The following GLCCI1 variants were observed in gnomAD, a reference collection of about 807,000 sequenced individuals.
The protein encoded by GLCCI1 is glucocorticoid-induced transcript 1 protein.
A neutral mutation model predicts 52.2 loss-of-function variants in GLCCI1; 24 were observed. That is an observed-to-expected ratio of 0.46 (90% CI 0.33 to 0.65). The LOEUF (loss-of-function observed/expected upper bound fraction) is 0.65, where lower values mean the gene tolerates loss of function less well. GLCCI1 is among the 30% of genes least tolerant of loss of function. The pLI is 0.02. For missense variants in GLCCI1, 704 were observed against 701.5 expected (o/e 1.00, Z -0.04); for synonymous variants, 310 against 276.5 (o/e 1.12, Z -1.20).
Position 8,088,233 on chromosome 7 carries a change from TATATG to T in GLCCI1, c.*1696_*1700del, listed in dbSNP as rs1562456738. ...TTTTTTAAGAAATGATATATATATG[TATATG>T]TTTGTGTGTGTGTGTGTGTGTGTGT... On this transcript the variant is annotated 3_prime_UTR_variant, in exon 8 of 8. Coordinates refer to ENST00000223145, the MANE Select transcript of GLCCI1 (RefSeq NM_138426.4). The T allele has an allele frequency of 9.2e-6, 1 of 108,308 alleles. No homozygotes were observed. Among genetic ancestry groups the T allele is most frequent in the African/African-American group, 3.9e-5 (1 of 25,564 alleles). The allele number at this position is 108,308 out of a possible 1,614,324, so 6.7% of individuals were successfully genotyped here.
intron 3 of GLCCI1, among the ~76,000 whole-genome samples, chr7:8,036,003 A>T (rs1781859122): frequency 6.6e-6 from 1 of 152,236 alleles, no homozygotes; most frequent in Non-Finnish European, 1.5e-5. Flanking sequence ...TGCATTACAC[A>T]GTCTGGCCAA....
chr7:8,085,062 A>C (rs1368416765), intron 7 of GLCCI1, 45 bp downstream of exon 7: 7 of 1,608,354 alleles, frequency 4.4e-6, no homozygotes, highest in Non-Finnish European at 5.9e-6. Flanking sequence ...AAAGCTGTAA[A>C]GCTTTTTACT....
chr7:8,039,599 TAGAG>T (rs1318309552), intron 3 of GLCCI1, among the ~76,000 whole-genome samples: 3 of 152,076 alleles, frequency 2.0e-5, no homozygotes, highest in Non-Finnish European at 1.5e-5. Context: ...TACATGGACA[TAGAG>T]AGTAGAATAA....
rs879706903 is a variant in GLCCI1, at chr7:8,047,295, T to C, written c.697-8138T>C. 4.5e-4 allele frequency among the ~76,000 whole-genome samples: 68 copies of C among 152,340 alleles called. No individual in the cohort carries two copies. In the Middle Eastern group the frequency reaches 0.017, roughly 38 times the overall value. On this transcript the variant is annotated intron_variant, in intron 3 of 7. Transcript: ENST00000223145. Reference sequence around the variant, plus strand: ...TTTGCTAACCCAGCCTTTATTTAGATTATACACTTGTTTAATTTCTAAACA... The same window carrying C: ...TTTGCTAACCCAGCCTTTATTTAGACTATACACTTGTTTAATTTCTAAACA...
chr7:8,042,111 T>C (rs1782013774), intron 3 of GLCCI1, among the ~76,000 whole-genome samples: 1 of 152,200 alleles, frequency 6.6e-6, no homozygotes, highest in Non-Finnish European at 1.5e-5. Flanking sequence ...ATATTACTGC[T>C]TATTGACAAT....
chr7:8,032,388 C>G (rs1295178826), intron 3 of GLCCI1, among the ~76,000 whole-genome samples: 2 of 151,712 alleles, frequency 1.3e-5, no homozygotes, highest in Admixed American at 1.3e-4. Flanking sequence ...CAAAAACAAG[C>G]AAAGGAATGA....
Position 8,055,527 on chromosome 7 carries a change from A to G in GLCCI1, c.791A>G (p.His264Arg), listed in dbSNP as rs754867392. Residue 264 changes from histidine to arginine, a missense_variant, in exon 4 of 8, where the codon CAT becomes CGT. This residue lies in a region of GLCCI1 where 547 missense variants were observed against 524.8 expected (regional missense o/e 1.04). Coordinates refer to ENST00000223145, the MANE Select transcript of GLCCI1 (RefSeq NM_138426.4). ...KDRQSPLHGN[H>R]ITISHTQATG... is the part of the protein sequence containing the mutation. ...CGCCAGTCACCTCTTCATGGCAACC[A>G]TATAACAATCAGTCACACTCAGGTA... The G allele has an allele frequency of 6.2e-6, 10 of 1,608,450 alleles. No homozygotes were observed. The Admixed American group carries it at 1.0e-4, about 16-fold the overall frequency.
At chr7:8,009,482 A>C (rs1462592802) in intron 2 of GLCCI1, among the ~76,000 whole-genome samples, 2 of 152,222 alleles carry the variant, frequency 1.3e-5, no homozygotes, top group East Asian at 3.8e-4. Context: ...AGAGCTATTC[A>C]TAAATATTGG....
At chr7:8,038,086 A>G (rs1031721563) in intron 3 of GLCCI1, among the ~76,000 whole-genome samples, 1 of 152,200 alleles carries the variant, frequency 6.6e-6, no homozygotes, top group Non-Finnish European at 1.5e-5. Flanking sequence ...TAGAATATAC[A>G]TTCTTCTCAT....
At chr7:7,981,957 A>T (rs1194199913) in intron 1 of GLCCI1, 1 of 426,500 alleles carries the variant, frequency 2.3e-6, no homozygotes, top group Non-Finnish European at 4.7e-6. Context: ...TGAAGACTAC[A>T]TACCAATCAA....
intron 4 of GLCCI1, among the ~76,000 whole-genome samples, chr7:8,059,194 G>A (rs545678173): frequency 2.6e-5 from 4 of 152,266 alleles, no homozygotes; most frequent in African/African-American, 9.6e-5. Flanking sequence ...AATACTGATA[G>A]TAATATATGA....
At chr7:8,002,132 A>G (rs1781062082) in intron 1 of GLCCI1, among the ~76,000 whole-genome samples, 1 of 152,210 alleles carries the variant, frequency 6.6e-6, no homozygotes, top group Non-Finnish European at 1.5e-5. Flanking sequence ...TATATGTGCT[A>G]AATAATATAG....
intron 2 of GLCCI1, among the ~76,000 whole-genome samples, chr7:8,011,711 G>C (rs572479674): frequency 6.6e-6 from 1 of 152,246 alleles, no homozygotes; most frequent in South Asian, 2.1e-4. Context: ...AATTTTTGAT[G>C]AACTGATGTA....
Position 7,996,405 on chromosome 7 carries a change from A to G in GLCCI1, c.458-7503A>G, listed in dbSNP as rs1391188282. Among the ~76,000 whole-genome samples, 8 of 152,202 alleles carry G rather than the reference A, an allele frequency of 5.3e-5. No individual in the cohort carries two copies. The South Asian group carries it at 1.2e-3, about 24-fold the overall frequency. ...CGAACTTAAAAAAATCTTTTGCCAT[A>G]TATGTAATTAAAAAAAAAAAGTATT... On this transcript the variant is annotated intron_variant, in intron 1 of 7. Coordinates refer to ENST00000223145, the MANE Select transcript of GLCCI1 (RefSeq NM_138426.4).
intron 3 of GLCCI1, among the ~76,000 whole-genome samples, chr7:8,029,013 A>C (rs1387028956): frequency 2.0e-5 from 3 of 152,200 alleles, no homozygotes; most frequent in African/African-American, 4.8e-5. Flanking sequence ...GCTGAATTCT[A>C]CCAAACATTT....
intron 1 of GLCCI1, chr7:7,980,220 T>C (rs948772201): frequency 6.5e-6 from 1 of 152,862 alleles, no homozygotes; most frequent in African/African-American, 2.4e-5. Context: ...ATAATCAGAC[T>C]TTACCTATTT....
At chr7:7,999,804 G>C (rs1781017667) in intron 1 of GLCCI1, among the ~76,000 whole-genome samples, 1 of 152,062 alleles carries the variant, frequency 6.6e-6, no homozygotes, top group South Asian at 2.1e-4. Flanking sequence ...TCAAGAGACT[G>C]AGGCAGGAGG....
At chr7:8,073,053 A>G (rs139709902) in intron 6 of GLCCI1, among the ~76,000 whole-genome samples, 93 of 152,206 alleles carry the variant, frequency 6.1e-4, no homozygotes, top group African/African-American at 2.1e-3. Flanking sequence ...TGTATAATCA[A>G]TTTTATTATG....
At chr7:8,029,591 G>T (rs1165773881) in intron 3 of GLCCI1, among the ~76,000 whole-genome samples, 3 of 152,084 alleles carry the variant, frequency 2.0e-5, no homozygotes, top group Non-Finnish European at 4.4e-5. Flanking sequence ...AAGAAATAAA[G>T]GGTATTTGAA....
Sources: allele counts gnomAD v4.1 joint callset (sites outside exome capture counted in the v4.1 genomes callset), GRCh38; gene constraint gnomAD v4.1.1; regional missense constraint gnomAD v4.1.1; transcripts MANE v1.5; gene names NCBI Gene and HGNC (gene_info 2026-07-23, HGNC 2026-07-21).